The following CD2AP variants were observed in gnomAD, a reference collection of about 807,000 sequenced individuals.
CD2AP encodes CD2-associated protein.
A neutral mutation model predicts 85.1 loss-of-function variants in CD2AP; 46 were observed. That is an observed-to-expected ratio of 0.54 (90% CI 0.43 to 0.69). The LOEUF is 0.69. CD2AP is among the 30% of genes least tolerant of loss of function. CD2AP has a pLI of 0.00. For synonymous variants in CD2AP, 255 were observed against 252.9 expected, an observed-to-expected ratio of 1.01 and a Z score of -0.08; for missense variants, 769 against 729.5, an observed-to-expected ratio of 1.05 and a Z score of -0.62.
At chr6:47,559,476 G>T (rs777243678) in intron 5 of CD2AP, among the ~76,000 whole-genome samples, 10 of 151,876 alleles carry the variant, frequency 6.6e-5, no homozygotes, top group Non-Finnish European at 1.2e-4. Flanking sequence ...TGACCAGACA[G>T]GTTTTGGACT....
At chr6:47,544,805 G>C in intron 4 of CD2AP, 99 bp downstream of exon 4, 1 of 754,522 alleles carries the variant, frequency 1.3e-6, no homozygotes, top group Non-Finnish European at 2.3e-6. Flanking sequence ...TGTGAGAACT[G>C]TTGTCACTTT....
intron 1 of CD2AP, among the ~76,000 whole-genome samples, chr6:47,496,169 C>T (rs1765852565): frequency 6.6e-6 from 1 of 151,976 alleles, no homozygotes. Context: ...TAGCAAAGTC[C>T]CACTTCTGGC....
intron 17 of CD2AP, among the ~76,000 whole-genome samples, chr6:47,613,651 G>T (rs116330609): frequency 6.6e-6 from 1 of 152,004 alleles, no homozygotes; most frequent in Non-Finnish European, 1.5e-5. Context: ...TAATTCTTAA[G>T]GGCCAAGGAT....
chr6:47,585,228 G>A (rs531948525), intron 11 of CD2AP, among the ~76,000 whole-genome samples: 18 of 151,762 alleles, frequency 1.2e-4, no homozygotes, highest in African/African-American at 4.1e-4. Flanking sequence ...GCGTGAACTC[G>A]GGAGGCGGAG....
chr6:47,521,278 G>A (rs555485608), intron 2 of CD2AP, among the ~76,000 whole-genome samples: 5 of 152,302 alleles, frequency 3.3e-5, no homozygotes, highest in Admixed American at 2.0e-4. Context: ...TAGGCCAGGC[G>A]TGGTGGCTCA....
chr6:47,512,223 T>A (rs554008187), intron 2 of CD2AP, among the ~76,000 whole-genome samples: 3 of 151,590 alleles, frequency 2.0e-5, no homozygotes, highest in Non-Finnish European at 4.4e-5. Flanking sequence ...GCGCCTGTAG[T>A]CCCAGCCACC....
chr6:47,551,697 G>A (rs1448845924), intron 4 of CD2AP, among the ~76,000 whole-genome samples: 1 of 152,118 alleles, frequency 6.6e-6, no homozygotes, highest in Non-Finnish European at 1.5e-5. Flanking sequence ...TTCAGATGGG[G>A]TATAGCCCAA....
At chr6:47,524,424 C>T (rs889918795) in intron 2 of CD2AP, among the ~76,000 whole-genome samples, 4 of 152,120 alleles carry the variant, frequency 2.6e-5, no homozygotes, top group African/African-American at 9.7e-5. Context: ...AACACATTAG[C>T]CCTCATTTTC....
intron 11 of CD2AP, among the ~76,000 whole-genome samples, chr6:47,595,656 A>G (rs377675771): frequency 5.9e-5 from 9 of 152,076 alleles, no homozygotes; most frequent in African/African-American, 1.7e-4. Flanking sequence ...CTCTACCATA[A>G]TAAACATTTT....
intron 2 of CD2AP, among the ~76,000 whole-genome samples, chr6:47,520,730 GTTTTTTTTTTTTTT>G (rs35163088): frequency 1.2e-5 from 1 of 86,362 alleles, no homozygotes; most frequent in African/African-American, 4.4e-5. Flanking sequence ...TGGTGCTACA[GTTTTTTTTTTTTTT>G]TTTTTTTTGT....
chr6:47,531,767 G>A (rs1441438420), intron 2 of CD2AP, among the ~76,000 whole-genome samples: 1 of 152,048 alleles, frequency 6.6e-6, no homozygotes, highest in African/African-American at 2.4e-5. Context: ...AGTATTTGAA[G>A]TATGTTTTAT....
At chr6:47,576,376 C>T (rs1768312976) in intron 6 of CD2AP, 148 bp from the exon 7 acceptor site, 3 of 653,032 alleles carry the variant, frequency 4.6e-6, no homozygotes, top group Admixed American at 2.4e-5. Flanking sequence ...AGACCTTTAC[C>T]TGTTTCATTG....
chr6:47,522,418 A>G (rs1179878258), intron 2 of CD2AP, among the ~76,000 whole-genome samples: 1 of 152,140 alleles, frequency 6.6e-6, no homozygotes, highest in African/African-American at 2.4e-5. Context: ...TTACTTTACA[A>G]CCTGTTACTG....
chr6:47,529,353 G>T (rs1023238910), intron 2 of CD2AP, among the ~76,000 whole-genome samples: 1 of 152,048 alleles, frequency 6.6e-6, no homozygotes, highest in Non-Finnish European at 1.5e-5. Flanking sequence ...ATGTTTGCAC[G>T]GGTTTTCTCT....
chr6:47,552,708 A>G (rs892215670), intron 4 of CD2AP, among the ~76,000 whole-genome samples: 4 of 152,168 alleles, frequency 2.6e-5, no homozygotes, highest in African/African-American at 7.2e-5. Context: ...GGTAATAGAC[A>G]GCTGATGTTT....
chr6:47,542,456 G>A (rs528998080), intron 3 of CD2AP, among the ~76,000 whole-genome samples: 1 of 152,114 alleles, frequency 6.6e-6, no homozygotes, highest in Non-Finnish European at 1.5e-5. Flanking sequence ...AATTTCCATT[G>A]TGGTGATATT....
chr6:47,594,220 T>C (rs1768875974), intron 11 of CD2AP, among the ~76,000 whole-genome samples: 1 of 152,094 alleles, frequency 6.6e-6, no homozygotes, highest in Non-Finnish European at 1.5e-5. Context: ...ATCGTGAATG[T>C]ACTAAATGGC....
chr6:47,594,599 TA>T (rs1318101506), intron 11 of CD2AP, among the ~76,000 whole-genome samples: 2 of 152,062 alleles, frequency 1.3e-5, no homozygotes, highest in Admixed American at 1.3e-4. Context: ...GGCTGGTTGT[TA>T]TAACTACAAA....
chr6:47,610,949 T>TTATATATATATA (rs10580325), intron 16 of CD2AP, among the ~76,000 whole-genome samples: 41 of 114,224 alleles, frequency 3.6e-4, no homozygotes, highest in African/African-American at 5.1e-4. Context: ...TATTTCTGAT[T>TTATATATATATA]TATATATATA....
Sources: allele counts gnomAD v4.1 joint callset (sites outside exome capture counted in the v4.1 genomes callset), GRCh38; gene constraint gnomAD v4.1.1; transcripts MANE v1.5; gene names NCBI Gene and HGNC (gene_info 2026-07-23, HGNC 2026-07-21).